Variants in LRRTM4 observed in about 807,000 individuals in gnomAD.
LRRTM4 encodes leucine-rich repeat transmembrane neuronal protein 4.
LRRTM4 carries 25 observed loss-of-function variants against 47.6 expected under a neutral mutation model. The ratio of observed to expected loss-of-function variants is 0.53; its 90% CI spans 0.38 to 0.73. LRRTM4 has a LOEUF of 0.73. Among genes scored for constraint, LRRTM4 ranks in the 30% least tolerant of loss-of-function variants. The probability of loss-of-function intolerance (pLI) is 0.00; values close to 1 mark genes in which losing one functional copy is unlikely to be tolerated. For missense variants in LRRTM4, 638 were observed against 713.4 expected (o/e 0.89, Z 1.20); for synonymous variants, 311 against 269.5 (o/e 1.15, Z -1.51).
At chr2:76,757,999 T>G (rs539708362) in intron 3 of LRRTM4, among the ~76,000 whole-genome samples, 1 of 152,282 alleles carries the variant, frequency 6.6e-6, no homozygotes, top group Admixed American at 6.5e-5. Flanking sequence ...TTACAGAGTT[T>G]TCCATTCAAG....
intron 3 of LRRTM4, among the ~76,000 whole-genome samples, chr2:77,384,519 A>G (rs528306286): frequency 6.6e-6 from 1 of 151,914 alleles, no homozygotes; most frequent in Non-Finnish European, 1.5e-5. Context: ...TACTGTTACC[A>G]TTAGTAATAG....
At chr2:77,252,030 T>C (rs1419925556) in intron 3 of LRRTM4, among the ~76,000 whole-genome samples, 1 of 152,156 alleles carries the variant, frequency 6.6e-6, no homozygotes, top group Non-Finnish European at 1.5e-5. Context: ...GATAACAGTA[T>C]GCAAGAAACT....
At chr2:77,173,122 A>G (rs1673102249) in intron 3 of LRRTM4, among the ~76,000 whole-genome samples, 1 of 152,228 alleles carries the variant, frequency 6.6e-6, no homozygotes, top group African/African-American at 2.4e-5. Context: ...AATATGAGTG[A>G]AAAGTTTATC....
intron 3 of LRRTM4, among the ~76,000 whole-genome samples, chr2:77,107,631 C>T (rs1671127549): frequency 6.6e-6 from 1 of 151,862 alleles, no homozygotes; most frequent in African/African-American, 2.4e-5. Flanking sequence ...CCAGCCTAAC[C>T]AACATGGAGA....
intron 3 of LRRTM4, among the ~76,000 whole-genome samples, chr2:77,415,949 G>T (rs1341941006): frequency 6.6e-6 from 1 of 151,972 alleles, no homozygotes; most frequent in Non-Finnish European, 1.5e-5. Context: ...AAACATGATG[G>T]ATTTATTTTT....
At chr2:77,024,896 T>C (rs1678400124) in intron 3 of LRRTM4, among the ~76,000 whole-genome samples, 1 of 152,160 alleles carries the variant, frequency 6.6e-6, no homozygotes, top group Non-Finnish European at 1.5e-5. Context: ...ACTTCTTAAT[T>C]GATAATGTGG....
At chr2:77,410,758 A>C (rs1386731354) in intron 3 of LRRTM4, among the ~76,000 whole-genome samples, 1 of 152,216 alleles carries the variant, frequency 6.6e-6, no homozygotes, top group Non-Finnish European at 1.5e-5. Flanking sequence ...GAGGGTTATT[A>C]AAATCACATC....
At chr2:77,227,017 CACTG>C (rs1674833938) in intron 3 of LRRTM4, among the ~76,000 whole-genome samples, 1 of 151,946 alleles carries the variant, frequency 6.6e-6, no homozygotes, top group Admixed American at 6.6e-5. Context: ...GTATGTTCTC[CACTG>C]ACTGTTATTC....
intron 3 of LRRTM4, among the ~76,000 whole-genome samples, chr2:76,878,791 T>G (rs887606638): frequency 1.3e-5 from 2 of 151,942 alleles, no homozygotes; most frequent in African/African-American, 4.8e-5. Flanking sequence ...GGAGAATCGC[T>G]TGAACCCAGG....
At chr2:76,812,758 T>TCCTCCTCTCCCTCCC (rs1670777659) in intron 3 of LRRTM4, among the ~76,000 whole-genome samples, 2 of 81,376 alleles carry the variant, frequency 2.5e-5, no homozygotes, top group African/African-American at 1.4e-4. Context: ...TCCCTCCTTC[T>TCCTCCTCTCCCTCCC]CCTCCTCCTC....
At chr2:77,394,881 C>T (rs953809646) in intron 3 of LRRTM4, among the ~76,000 whole-genome samples, 1 of 151,892 alleles carries the variant, frequency 6.6e-6, no homozygotes, top group Admixed American at 6.6e-5. Context: ...TGAAATCCGT[C>T]TCTTGTCCCA....
In LRRTM4 at chr2:76,909,565, A is replaced by G. The variant is rs1673974368; in HGVS notation, c.1552-160649T>C. On this transcript the variant is annotated intron_variant, in intron 3 of 3. Transcript: ENST00000409884. Reference sequence around the variant, plus strand: ...CATCAGAGTGAACAGGCAACCTACAAAATGGGAGAAAATTTTCGCAACCTA... The same window carrying G: ...CATCAGAGTGAACAGGCAACCTACAGAATGGGAGAAAATTTTCGCAACCTA... Among the ~76,000 whole-genome samples the G allele has an allele frequency of 2.0e-5, 3 of 151,992 alleles. No homozygotes were observed. In the South Asian group the frequency reaches 6.2e-4, roughly 32 times the overall value.
chr2:76,874,899 T>A (rs1332621962), intron 3 of LRRTM4, among the ~76,000 whole-genome samples: 2 of 152,116 alleles, frequency 1.3e-5, no homozygotes, highest in Non-Finnish European at 2.9e-5. Flanking sequence ...TTATAAAATT[T>A]GAATATTCTG....
chr2:77,044,718 A>T (rs910979348), intron 3 of LRRTM4, among the ~76,000 whole-genome samples: 2 of 151,754 alleles, frequency 1.3e-5, no homozygotes, highest in African/African-American at 4.8e-5. Flanking sequence ...ACATTTATGT[A>T]TATGTCTCAT....
At chr2:77,071,088 G>A (rs570761770) in intron 3 of LRRTM4, among the ~76,000 whole-genome samples, 47 of 152,068 alleles carry the variant, frequency 3.1e-4, no homozygotes, top group Admixed American at 4.6e-4. Flanking sequence ...AATAGTACAC[G>A]TAGGTAAACA....
At chr2:77,323,629 T>C (rs1266059575) in intron 3 of LRRTM4, among the ~76,000 whole-genome samples, 2 of 152,124 alleles carry the variant, frequency 1.3e-5, no homozygotes, top group Non-Finnish European at 2.9e-5. Flanking sequence ...GATACTTTGA[T>C]TACCTCCATT....
chr2:77,223,199 G>A (rs1372436990), intron 3 of LRRTM4, among the ~76,000 whole-genome samples: 1 of 151,976 alleles, frequency 6.6e-6, no homozygotes, highest in Non-Finnish European at 1.5e-5. Context: ...GGTATTGATG[G>A]GGTGTATCTC....
At chr2:77,207,021 A>G (rs1674145278) in intron 3 of LRRTM4, among the ~76,000 whole-genome samples, 1 of 151,676 alleles carries the variant, frequency 6.6e-6, no homozygotes. Flanking sequence ...AAAGTTATTC[A>G]TGGATAATTT....
intron 3 of LRRTM4, among the ~76,000 whole-genome samples, chr2:76,881,573 G>A (rs1373330200): frequency 6.7e-6 from 1 of 149,330 alleles, no homozygotes; most frequent in East Asian, 2.0e-4. Flanking sequence ...GATTGTTTTG[G>A]TAATCTTAAC....
Sources: allele counts gnomAD v4.1 joint callset (sites outside exome capture counted in the v4.1 genomes callset), GRCh38; gene constraint gnomAD v4.1.1; transcripts MANE v1.5; gene names NCBI Gene and HGNC (gene_info 2026-07-23, HGNC 2026-07-21).